JARID2: variants seen among roughly 807,000 people sequenced by gnomAD.
JARID2 encodes jumonji and AT-rich interaction domain containing 2, also known as protein Jumonji.
JARID2 carries 21 observed loss-of-function variants against 125.6 expected under a neutral mutation model. The ratio of observed to expected loss-of-function variants is 0.17; its 90% CI spans 0.12 to 0.24. The LOEUF (loss-of-function observed/expected upper bound fraction) is 0.24, where lower values mean the gene tolerates loss of function less well. Ranked by LOEUF, JARID2 falls within the 10% of genes least tolerant of loss-of-function variation. The pLI is 1.00. For missense variants in JARID2, 1,303 were observed against 1,639.6 expected (o/e 0.79, Z 3.55); for synonymous variants, 736 against 661.6 (o/e 1.11, Z -1.73).
intron 1 of JARID2, among the ~76,000 whole-genome samples, chr6:15,263,097 TG>T: frequency 6.6e-6 from 1 of 151,408 alleles, no homozygotes; most frequent in Non-Finnish European, 1.5e-5. Context: ...TGTGTGTGTG[TG>T]TGTGTGTGTG....
chr6:15,384,083 C>G (rs138266442), intron 2 of JARID2, among the ~76,000 whole-genome samples: 1 of 152,138 alleles, frequency 6.6e-6, no homozygotes, highest in Admixed American at 6.5e-5. Flanking sequence ...CGTGAGCCAC[C>G]GTGCCCAACC....
At chr6:15,325,671 C>T (rs1762513330) in intron 1 of JARID2, among the ~76,000 whole-genome samples, 1 of 152,188 alleles carries the variant, frequency 6.6e-6, no homozygotes, top group African/African-American at 2.4e-5. Flanking sequence ...ATAGACTTTG[C>T]TCCATCACAG....
intron 3 of JARID2, among the ~76,000 whole-genome samples, chr6:15,449,927 A>C (rs1424768590): frequency 6.6e-6 from 1 of 152,168 alleles, no homozygotes; most frequent in Non-Finnish European, 1.5e-5. Flanking sequence ...ACATTGTAGT[A>C]CTTTATATTT....
intron 2 of JARID2, among the ~76,000 whole-genome samples, chr6:15,392,079 C>A (rs2282828): frequency 2.9e-5 from 1 of 34,276 alleles, no homozygotes; most frequent in East Asian, 1.4e-3. Flanking sequence ...TGTGTGTGTG[C>A]GTGTCTGGAG....
intron 3 of JARID2, among the ~76,000 whole-genome samples, chr6:15,438,781 C>T (rs1175917992): frequency 6.6e-6 from 1 of 152,164 alleles, no homozygotes; most frequent in African/African-American, 2.4e-5. Flanking sequence ...GTAATCCCAG[C>T]ACTTTGGGAG....
intron 2 of JARID2, among the ~76,000 whole-genome samples, chr6:15,381,197 CAA>C (rs1306603959): frequency 7.1e-6 from 1 of 139,888 alleles, no homozygotes; most frequent in Non-Finnish European, 1.6e-5. Context: ...ACTAAAAATA[CAA>C]AAAAAAAAAA....
chr6:15,381,252 G>T (rs559934375), intron 2 of JARID2, among the ~76,000 whole-genome samples: 51 of 148,822 alleles, frequency 3.4e-4, no homozygotes, highest in African/African-American at 1.2e-3. Flanking sequence ...TGAGGCAGGA[G>T]AATGGCGTGA....
At chr6:15,340,777 T>TAGTGGGAAAAATGTG (rs1763042196) in intron 1 of JARID2, among the ~76,000 whole-genome samples, 1 of 152,166 alleles carries the variant, frequency 6.6e-6, no homozygotes, top group South Asian at 2.1e-4. Context: ...CGTTCCTCTT[T>TAGTGGGAAAAATGTG]AGTGGGAAAA....
intron 1 of JARID2, among the ~76,000 whole-genome samples, chr6:15,293,713 C>T (rs2127399425): frequency 6.6e-6 from 1 of 152,348 alleles, no homozygotes; most frequent in South Asian, 2.1e-4. Flanking sequence ...GAAGAGTCCT[C>T]ACAGCCTGTG....
At chr6:15,347,685 T>C (rs1371898661) in intron 1 of JARID2, among the ~76,000 whole-genome samples, 1 of 152,192 alleles carries the variant, frequency 6.6e-6, no homozygotes, top group Non-Finnish European at 1.5e-5. Flanking sequence ...ATGTTGGTGG[T>C]GATGGCTCAA....
chr6:15,335,634 G>GGTGCC lies in JARID2; in HGVS notation c.46-38483_46-38482insGTGCC, dbSNP rs1581426051. Among the ~76,000 whole-genome samples, 7 of 152,280 alleles carry GGTGCC rather than the reference G, an allele frequency of 4.6e-5. No homozygotes were observed. The East Asian group carries it at 1.3e-3, about 29-fold the overall frequency. The stretch of plus-strand genomic sequence containing the variant: ...TCTGCCTGCCTGTCCACATTGAGGT[G>GGTGCC]TCCCTGGGGGGTGTCTTTTCTCCTA... On this transcript the variant is annotated intron_variant, in intron 1 of 17. Coordinates refer to ENST00000341776, the MANE Select transcript of JARID2 (RefSeq NM_004973.4).
At chr6:15,349,948 C>T (rs1763369261) in intron 1 of JARID2, among the ~76,000 whole-genome samples, 2 of 152,028 alleles carry the variant, frequency 1.3e-5, no homozygotes, top group Non-Finnish European at 2.9e-5. Flanking sequence ...CTAAGGATGT[C>T]AAATCTGGAT....
intron 1 of JARID2, among the ~76,000 whole-genome samples, chr6:15,308,741 T>C (rs1761917701): frequency 6.6e-6 from 1 of 152,222 alleles, no homozygotes; most frequent in African/African-American, 2.4e-5. Context: ...ACAGGAATTG[T>C]AAAAACACGT....
At chr6:15,469,763 G>A (rs912208741) in intron 5 of JARID2, among the ~76,000 whole-genome samples, 4 of 152,114 alleles carry the variant, frequency 2.6e-5, no homozygotes, top group African/African-American at 7.2e-5. Context: ...TTCCCTGACC[G>A]AAGGTTGTCC....
At chr6:15,499,389 C>T (rs897154039) in intron 7 of JARID2, among the ~76,000 whole-genome samples, 5 of 152,176 alleles carry the variant, frequency 3.3e-5, no homozygotes, top group Non-Finnish European at 4.4e-5. Flanking sequence ...GTGATCGCAG[C>T]GGATGAGGAT....
chr6:15,504,858 C>G (rs1040386171), intron 9 of JARID2, among the ~76,000 whole-genome samples: 2 of 152,196 alleles, frequency 1.3e-5, no homozygotes, highest in Non-Finnish European at 2.9e-5. Flanking sequence ...ACGTCCCCTG[C>G]TCCCCGTCAC....
intron 1 of JARID2, among the ~76,000 whole-genome samples, chr6:15,319,060 C>G (rs1406414080): frequency 6.6e-6 from 1 of 152,118 alleles, no homozygotes; most frequent in Non-Finnish European, 1.5e-5. Context: ...AAAATTGGGC[C>G]TTTTGTATTT....
At chr6:15,466,940 G>A (rs1018464406) in intron 4 of JARID2, among the ~76,000 whole-genome samples, 8 of 152,164 alleles carry the variant, frequency 5.3e-5, no homozygotes, top group African/African-American at 1.7e-4. Flanking sequence ...CAAGGGGAGG[G>A]GAACAAAACA....
chr6:15,444,480 C>T lies in JARID2; in HGVS notation c.324-7526C>T, dbSNP rs142817924. Among the ~76,000 whole-genome samples the T allele has an allele frequency of 8.1e-3, 1,235 of 152,148 alleles. 7 individuals are homozygous for T. Among genetic ancestry groups the T allele is most frequent in the Non-Finnish European group, 0.012 (845 of 68,014 alleles). ...CCCTGGGTAGAGGGTATCCCTTGCC[C>T]GACCCCCCACAACCTCCAGTGCGCA... On this transcript the variant is annotated intron_variant, in intron 3 of 17. Transcript: ENST00000341776.
Sources: allele counts gnomAD v4.1 joint callset (sites outside exome capture counted in the v4.1 genomes callset), GRCh38; gene constraint gnomAD v4.1.1; transcripts MANE v1.5; gene names NCBI Gene and HGNC (gene_info 2026-07-23, HGNC 2026-07-21).